The following TSHZ2 variants were observed in gnomAD, a reference collection of about 807,000 sequenced individuals.
TSHZ2 encodes teashirt homolog 2.
Under a neutral mutation model 74.4 loss-of-function variants are expected in TSHZ2, and 21 were observed. The observed-to-expected ratio is 0.28, with a 90% confidence interval of 0.20 to 0.41. The LOEUF is 0.41. Ranked by LOEUF, TSHZ2 falls within the 10% of genes least tolerant of loss-of-function variation. The pLI, the probability that TSHZ2 is intolerant of heterozygous loss-of-function variation, is 1.00. For synonymous variants in TSHZ2, 540 were observed against 515.3 expected, an observed-to-expected ratio of 1.05 and a Z score of -0.65; for missense variants, 1,244 against 1,293.5, an observed-to-expected ratio of 0.96 and a Z score of 0.59.
intron 1 of TSHZ2, among the ~76,000 whole-genome samples, chr20:53,219,161 C>G (rs1989499670): frequency 6.6e-6 from 1 of 152,164 alleles, no homozygotes; most frequent in Non-Finnish European, 1.5e-5. Context: ...TCTCCATTGG[C>G]CCAAGACTTT....
At chr20:53,251,632 A>C (rs1296316872) in intron 1 of TSHZ2, among the ~76,000 whole-genome samples, 2 of 152,208 alleles carry the variant, frequency 1.3e-5, no homozygotes, top group Admixed American at 6.5e-5. Context: ...TCAATTTGCT[A>C]GGAAGGTAAA....
At chr20:53,352,063 A>T (rs910511102) in intron 2 of TSHZ2, among the ~76,000 whole-genome samples, 1 of 152,142 alleles carries the variant, frequency 6.6e-6, no homozygotes, top group African/African-American at 2.4e-5. Context: ...CTATAAGATT[A>T]TCCTTCACTG....
intron 1 of TSHZ2, among the ~76,000 whole-genome samples, chr20:53,004,605 A>C (rs1163971733): frequency 6.6e-6 from 1 of 152,206 alleles, no homozygotes; most frequent in Non-Finnish European, 1.5e-5. Flanking sequence ...AAATGCTGGA[A>C]GAGGAAGCCA....
chr20:53,448,113 C>A lies in TSHZ2; in HGVS notation c.*9-39031C>A, dbSNP rs1471793102. ...TATTTTTAGTAGAGATGGGGTTTCACCGTGTTAGCCAGGATGGTCTCGATC... is the reference window on the plus strand; with the variant it reads ...TATTTTTAGTAGAGATGGGGTTTCAACGTGTTAGCCAGGATGGTCTCGATC... On this transcript the variant is annotated intron_variant, in intron 2 of 2. Transcript: ENST00000371497. Among the ~76,000 whole-genome samples the A allele has an allele frequency of 3.3e-5, 5 of 152,040 alleles. No individual in the cohort carries two copies. In the South Asian group the frequency reaches 8.3e-4, roughly 25 times the overall value.
At chr20:53,221,579 T>C (rs1425698656) in intron 1 of TSHZ2, among the ~76,000 whole-genome samples, 1 of 152,200 alleles carries the variant, frequency 6.6e-6, no homozygotes, top group Non-Finnish European at 1.5e-5. Flanking sequence ...TGGGTCTGTT[T>C]CAAATGCCAG....
At chr20:53,155,552 T>C (rs1488760318) in intron 1 of TSHZ2, among the ~76,000 whole-genome samples, 1 of 151,012 alleles carries the variant, frequency 6.6e-6, no homozygotes, top group Non-Finnish European at 1.5e-5. Context: ...GGAAGGAGGG[T>C]GCAGAATTAA....
At chr20:53,450,158 C>T (rs867165419) in intron 2 of TSHZ2, among the ~76,000 whole-genome samples, 3 of 152,348 alleles carry the variant, frequency 2.0e-5, no homozygotes, top group Middle Eastern at 3.4e-3. Flanking sequence ...TGAACTGAGA[C>T]ACAGTAGTAT....
chr20:53,305,031 G>C (rs1203287779), intron 2 of TSHZ2, among the ~76,000 whole-genome samples: 2 of 151,796 alleles, frequency 1.3e-5, no homozygotes, highest in African/African-American at 2.4e-5. Context: ...CGCCTCCCAG[G>C]TTCACGCCAT....
At chr20:53,436,712 AT>A (rs905338938) in intron 2 of TSHZ2, among the ~76,000 whole-genome samples, 172 of 147,368 alleles carry the variant, frequency 1.2e-3, no homozygotes, top group African/African-American at 3.4e-3. Context: ...CGTCCGGCTA[AT>A]TTTTTTTTTA....
chr20:53,177,798 A>G (rs1180244498), intron 1 of TSHZ2, among the ~76,000 whole-genome samples: 1 of 152,108 alleles, frequency 6.6e-6, no homozygotes, highest in Admixed American at 6.5e-5. Context: ...TGCTCTCCCT[A>G]CAGTGCCCAA....
intron 2 of TSHZ2, among the ~76,000 whole-genome samples, chr20:53,386,719 G>A (rs1365572194): frequency 2.0e-5 from 3 of 152,096 alleles, no homozygotes; most frequent in Admixed American, 6.5e-5. Context: ...AAATGGCTTC[G>A]GTGTAAGATG....
At chr20:53,247,647 G>A (rs1990238564) in intron 1 of TSHZ2, among the ~76,000 whole-genome samples, 2 of 152,180 alleles carry the variant, frequency 1.3e-5, no homozygotes, top group African/African-American at 2.4e-5. Flanking sequence ...CTGGGTACAC[G>A]CTGAGAAATT....
intron 2 of TSHZ2, among the ~76,000 whole-genome samples, chr20:53,433,574 CAG>C (rs1983920503): frequency 1.8e-5 from 2 of 108,476 alleles, no homozygotes; most frequent in Admixed American, 9.7e-5. Flanking sequence ...CACAGACACA[CAG>C]ACACACAGAC....
In TSHZ2 at chr20:53,106,277, G is replaced by A. The variant is rs78298313; in HGVS notation, c.40+132944G>A. ...GCCTCTTATAACCACCTTTTTACTC[G>A]CTTTTACTTTTTTTAGATTTCACAT... is the stretch of plus-strand genomic sequence containing the variant. On this transcript the variant is annotated intron_variant, in intron 1 of 2. Transcript: ENST00000371497. Among the ~76,000 whole-genome samples, 1,334 of 149,516 alleles carry A rather than the reference G, an allele frequency of 8.9e-3. 12 individuals carry two copies. Among genetic ancestry groups the A allele is most frequent in the African/African-American group, 0.031 (1,259 of 40,544 alleles).
At chr20:52,992,250 T>C (rs982351866) in intron 1 of TSHZ2, among the ~76,000 whole-genome samples, 4 of 152,208 alleles carry the variant, frequency 2.6e-5, no homozygotes, top group African/African-American at 9.7e-5. Context: ...GTTGAATGCA[T>C]GAATGTATGA....
At chr20:53,027,519 G>A (rs1301216849) in intron 1 of TSHZ2, among the ~76,000 whole-genome samples, 1 of 152,132 alleles carries the variant, frequency 6.6e-6, no homozygotes, top group African/African-American at 2.4e-5. Context: ...GAAGAGGATG[G>A]TATTTACCAC....
chr20:53,377,582 G>A (rs1034571873), intron 2 of TSHZ2, among the ~76,000 whole-genome samples: 1 of 152,160 alleles, frequency 6.6e-6, no homozygotes, highest in Non-Finnish European at 1.5e-5. Context: ...CCACTGGGCC[G>A]GGTATGGTGG....
chr20:53,110,996 A>G (rs567910803), intron 1 of TSHZ2, among the ~76,000 whole-genome samples: 1 of 152,224 alleles, frequency 6.6e-6, no homozygotes, highest in Non-Finnish European at 1.5e-5. Flanking sequence ...CAGTTTCAGA[A>G]GTCACCTATC....
At position 52,972,786 on chromosome 20, in the gene TSHZ2, A is replaced by T. The variant is rs189020809; in HGVS notation, c.-508A>T. 39 of 153,244 alleles carry T rather than the reference A, an allele frequency of 2.5e-4. No homozygotes were observed. The highest frequency in any genetic ancestry group is 4.2e-4 in the Non-Finnish European group (31 of 74,610). The allele number at this position is 153,244 out of a possible 1,614,324, so 9.5% of individuals were successfully genotyped here. On this transcript the variant is annotated 5_prime_UTR_variant, in exon 1 of 3. Coordinates refer to ENST00000371497, the MANE Select transcript of TSHZ2 (RefSeq NM_173485.6). ...GGAGGAGGGAAAGAGGAGAAGGAAG[A>T]AGAAGAAAAAGAAGAAACCCACTAC...
Sources: gnomAD v4.1 joint callset for allele counts (sites outside exome capture counted in the v4.1 genomes callset) on GRCh38, gnomAD v4.1.1 for gene constraint, MANE v1.5 for transcripts, NCBI Gene and HGNC (gene_info 2026-07-23, HGNC 2026-07-21) for gene names.